MS4A4E: variants seen among roughly 807,000 people sequenced by gnomAD.
MS4A4E encodes the protein membrane spanning 4-domains A4E, also known as putative membrane-spanning 4-domains subfamily A member 4E.
In MS4A4E, 23 loss-of-function variants were observed where a neutral mutation model predicts 13.3. The observed-to-expected ratio is 1.73, with a 90% CI of 1.25 to 2.45. The LOEUF is 2.45. Ranked by LOEUF, MS4A4E falls within the 30% of genes most tolerant of loss-of-function variation. The pLI is 0.00. For synonymous variants in MS4A4E, 36 were observed against 45.6 expected (o/e 0.79, Z 0.85); for missense variants, 144 against 131.2 (o/e 1.10, Z -0.48).
At chr11:60,223,881 A>T (rs1311374554) in intron 3 of MS4A4E, among the ~76,000 whole-genome samples, 1 of 152,126 alleles carries the variant, frequency 6.6e-6, no homozygotes, top group Admixed American at 6.6e-5. Flanking sequence ...AATACTCCCT[A>T]ATAAACTTCC....
chr11:60,228,647 G>A lies in MS4A4E; in HGVS notation c.145-20C>T, dbSNP rs2084372241. Reference sequence around the variant, plus strand: ...CAAAACCTGCACACAGATATTTATAGCAACGTTACTCCTAATTGCCAAAGT... The same window carrying A: ...CAAAACCTGCACACAGATATTTATAACAACGTTACTCCTAATTGCCAAAGT... On this transcript the variant is annotated intron_variant, in intron 2 of 8. Coordinates refer to ENST00000651255, the MANE Select transcript of MS4A4E (RefSeq NM_001393391.1). The A allele has an allele frequency of 1.4e-6, 1 of 695,752 alleles. No individual in the cohort carries two copies. Among genetic ancestry groups the A allele is most frequent in the Non-Finnish European group, 2.6e-6 (1 of 381,966 alleles). 43.1% of individuals were successfully genotyped at this position (695,752 alleles called of 1,614,324 possible). A position where few individuals can be genotyped will look rare whatever the true frequency, so the allele number is the denominator to read the frequency against.
chr11:60,225,434 A>C (rs1213832636), intron 3 of MS4A4E, among the ~76,000 whole-genome samples: 3 of 152,184 alleles, frequency 2.0e-5, no homozygotes, highest in Non-Finnish European at 4.4e-5. Context: ...ATTAGAAAGC[A>C]ATTATTGTAG....
chr11:60,215,226 G>A (rs1222196257), intron 3 of MS4A4E, among the ~76,000 whole-genome samples: 2 of 151,500 alleles, frequency 1.3e-5, no homozygotes, highest in Non-Finnish European at 2.9e-5. Flanking sequence ...TAAAGAAACT[G>A]GACTAATAAA....
chr11:60,203,585 CA>C (rs1489579841), intron 8 of MS4A4E, among the ~76,000 whole-genome samples: 8 of 151,956 alleles, frequency 5.3e-5, no homozygotes, highest in African/African-American at 1.9e-4. Context: ...CTTGTCTCTA[CA>C]AAAAATACAA....
At chr11:60,208,231 A>G (rs1327154830) in intron 6 of MS4A4E, among the ~76,000 whole-genome samples, 1 of 152,224 alleles carries the variant, frequency 6.6e-6, no homozygotes, top group Admixed American at 6.5e-5. Context: ...TTCTGGATGG[A>G]CCTCACCTCT....
chr11:60,214,649 G>T (rs1354304244), intron 3 of MS4A4E, 35 bp from the exon 4 acceptor site: 1 of 1,419,654 alleles, frequency 7.0e-7, no homozygotes, highest in South Asian at 1.3e-5. Context: ...AGAAAAAAAT[G>T]GAGATAAAAA....
chr11:60,238,706 T>C (rs2084513517), intron 1 of MS4A4E, among the ~76,000 whole-genome samples: 1 of 152,214 alleles, frequency 6.6e-6, no homozygotes, highest in African/African-American at 2.4e-5. Flanking sequence ...TTGTTTCCAT[T>C]TAGTTTGTTC....
chr11:60,219,432 C>T lies in MS4A4E; in HGVS notation c.179-4818G>A, dbSNP rs117562228. 2.7e-3 allele frequency among the ~76,000 whole-genome samples: 407 copies of T among 151,748 alleles called. 14 individuals are homozygous for T. The East Asian group carries it at 0.074, about 27-fold the overall frequency. Reference sequence around the variant, plus strand: ...GACTTGTGTAGAGCTCTGGTATTGGCTAATTAATTACAGCGTTCCTAGAAG... The same window carrying T: ...GACTTGTGTAGAGCTCTGGTATTGGTTAATTAATTACAGCGTTCCTAGAAG... On this transcript the variant is annotated intron_variant, in intron 3 of 8. Transcript: ENST00000651255.
intron 4 of MS4A4E, chr11:60,213,443 G>T (rs549426859): frequency 5.8e-6 from 4 of 687,206 alleles, no homozygotes; most frequent in African/African-American, 5.4e-5. Context: ...CTTGCTTCTG[G>T]TGCCCGATCT....
chr11:60,222,327 A>G (rs182697562), intron 3 of MS4A4E, among the ~76,000 whole-genome samples: 1 of 152,296 alleles, frequency 6.6e-6, no homozygotes, highest in Admixed American at 6.5e-5. Flanking sequence ...CAAGGCACTC[A>G]CTTGTTGGCT....
intron 6 of MS4A4E, among the ~76,000 whole-genome samples, 71 bp from the exon 7 acceptor site, chr11:60,205,891 C>G (rs963544107): frequency 6.6e-6 from 1 of 152,064 alleles, no homozygotes; most frequent in African/African-American, 2.4e-5. Flanking sequence ...CCATATGTGA[C>G]ACAGGATACA....
chr11:60,216,537 T>A (rs1299993825), intron 3 of MS4A4E, among the ~76,000 whole-genome samples: 1 of 151,966 alleles, frequency 6.6e-6, no homozygotes, highest in South Asian at 2.1e-4. Flanking sequence ...TAAAAAGCAC[T>A]TAGCAGAATG....
intron 1 of MS4A4E, among the ~76,000 whole-genome samples, chr11:60,237,302 C>G (rs942531993): frequency 6.6e-6 from 1 of 152,112 alleles, no homozygotes; most frequent in Non-Finnish European, 1.5e-5. Flanking sequence ...GGCTGCATAG[C>G]ATTTCATGGT....
chr11:60,214,629 T>C lies in MS4A4E; in HGVS notation c.179-15A>G. The stretch of plus-strand genomic sequence containing the variant: ...TGATAAGGATACTGAAATAATAAAA[T>C]AAGAATGAGAGAAAAAAATGGAGAT... On this transcript the variant is annotated splice_polypyrimidine_tract_variant and intron_variant, in intron 3 of 8. Coordinates refer to ENST00000651255, the MANE Select transcript of MS4A4E (RefSeq NM_001393391.1). 1 of 1,499,382 alleles carries C rather than the reference T, an allele frequency of 6.7e-7. No individual in the cohort carries two copies. 92.9% of individuals were successfully genotyped at this position (1,499,382 alleles called of 1,614,324 possible).
chr11:60,213,294 G>A (rs1216887056), intron 4 of MS4A4E, 162 bp from the exon 5 acceptor site: 2 of 1,535,176 alleles, frequency 1.3e-6, no homozygotes, highest in Admixed American at 2.0e-5. Flanking sequence ...ACACAAATAT[G>A]ATCCCATTAT....
At chr11:60,219,176 T>C (rs182737907) in intron 3 of MS4A4E, among the ~76,000 whole-genome samples, 3 of 152,270 alleles carry the variant, frequency 2.0e-5, no homozygotes, top group Non-Finnish European at 4.4e-5. Context: ...CTTTGTGAAA[T>C]AGATTTGAGA....
chr11:60,210,702 G>A (rs2084109682), intron 5 of MS4A4E, among the ~76,000 whole-genome samples: 1 of 151,898 alleles, frequency 6.6e-6, no homozygotes, highest in African/African-American at 2.4e-5. Context: ...GTCTACCAGG[G>A]TGCCAACCCT....
chr11:60,215,275 CAT>C (rs1378159722), intron 3 of MS4A4E, among the ~76,000 whole-genome samples: 2 of 151,708 alleles, frequency 1.3e-5, no homozygotes. Context: ...AATACCCAGA[CAT>C]AGAGATGATT....
At chr11:60,225,178 A>G (rs2084325892) in intron 3 of MS4A4E, 9 of 1,271,858 alleles carry the variant, frequency 7.1e-6, no homozygotes, top group African/African-American at 3.0e-5. Flanking sequence ...AGCTATCCTT[A>G]TTCTTTTTCA....
Sources: allele counts gnomAD v4.1 joint callset (sites outside exome capture counted in the v4.1 genomes callset), GRCh38; gene constraint gnomAD v4.1.1; transcripts MANE v1.5; gene names NCBI Gene and HGNC (gene_info 2026-07-23, HGNC 2026-07-21).